The following PHACTR3 variants were observed in gnomAD, a reference collection of about 807,000 sequenced individuals.
PHACTR3 encodes the protein protein phosphatase 1, regulatory subunit 123.
PHACTR3 carries 16 observed loss-of-function variants against 66.8 expected under a neutral mutation model. The ratio of observed to expected loss-of-function variants is 0.24; its 90% CI spans 0.16 to 0.36. The LOEUF (loss-of-function observed/expected upper bound fraction) is 0.36, where lower values mean the gene tolerates loss of function less well. Ranked by LOEUF, PHACTR3 falls within the 10% of genes least tolerant of loss-of-function variation. The probability of loss-of-function intolerance (pLI) is 1.00; values close to 1 mark genes in which losing one functional copy is unlikely to be tolerated. For synonymous variants in PHACTR3, 323 were observed against 292.1 expected, an observed-to-expected ratio of 1.11 and a Z score of -1.08; for missense variants, 647 against 719.9, an observed-to-expected ratio of 0.90 and a Z score of 1.16.
intron 12 of PHACTR3, 58 bp from the exon 13 acceptor site, chr20:59,847,057 T>C: frequency 8.1e-7 from 1 of 1,238,470 alleles, no homozygotes; most frequent in Non-Finnish European, 1.2e-6. Flanking sequence ...GGTTTTTGGC[T>C]ATTTTAACTG....
At chr20:59,733,654 C>A (rs1399994128) in intron 1 of PHACTR3, among the ~76,000 whole-genome samples, 1 of 152,214 alleles carries the variant, frequency 6.6e-6, no homozygotes, top group African/African-American at 2.4e-5. Flanking sequence ...GCTTTTACAG[C>A]AGATGACCTG....
chr20:59,585,466 A>T (rs886714049), intron 1 of PHACTR3, among the ~76,000 whole-genome samples: 7 of 152,202 alleles, frequency 4.6e-5, no homozygotes, highest in Admixed American at 4.6e-4. Flanking sequence ...GAGTACAGCT[A>T]CAGCCGAGTC....
intron 1 of PHACTR3, among the ~76,000 whole-genome samples, chr20:59,591,116 G>A (rs554282358): frequency 2.6e-5 from 4 of 152,304 alleles, no homozygotes; most frequent in East Asian, 3.9e-4. Context: ...CTTCATTCTC[G>A]TAGAATATTC....
intron 3 of PHACTR3, among the ~76,000 whole-genome samples, chr20:59,752,514 C>G (rs2039630777): frequency 7.6e-6 from 1 of 131,122 alleles, no homozygotes; most frequent in African/African-American, 2.7e-5. Flanking sequence ...AAACTTTTCA[C>G]TGAACATGAT....
At chr20:59,728,323 C>G (rs2038637830) in intron 1 of PHACTR3, among the ~76,000 whole-genome samples, 1 of 152,024 alleles carries the variant, frequency 6.6e-6, no homozygotes, top group Non-Finnish European at 1.5e-5. Flanking sequence ...ATGGTGCAGT[C>G]ATTGTGGAAA....
chr20:59,660,920 A>G (rs1305836553), intron 1 of PHACTR3, among the ~76,000 whole-genome samples: 7 of 152,248 alleles, frequency 4.6e-5, no homozygotes, highest in Admixed American at 4.6e-4. Flanking sequence ...TCTGTGGGAA[A>G]CACTTTCTAT....
At chr20:59,580,696 G>A (rs188853451) in intron 1 of PHACTR3, among the ~76,000 whole-genome samples, 108 of 152,182 alleles carry the variant, frequency 7.1e-4, no homozygotes, top group African/African-American at 1.8e-3. Context: ...GAAATTTAAT[G>A]CCTTGTTTCC....
intron 1 of PHACTR3, among the ~76,000 whole-genome samples, chr20:59,643,530 C>T (rs1446295888): frequency 6.6e-6 from 1 of 152,180 alleles, no homozygotes; most frequent in Non-Finnish European, 1.5e-5. Context: ...CAAAACAGTG[C>T]CCTTGCTCCA....
chr20:59,791,074 G>A (rs537370003), intron 7 of PHACTR3, among the ~76,000 whole-genome samples: 1 of 152,100 alleles, frequency 6.6e-6, no homozygotes, highest in Non-Finnish European at 1.5e-5. Context: ...GCTCCACCAT[G>A]GTATGAATGT....
chr20:59,841,361 T>C (rs1202907476), intron 10 of PHACTR3, 34 bp from the exon 11 acceptor site: 7 of 1,590,172 alleles, frequency 4.4e-6, no homozygotes, highest in Non-Finnish European at 6.0e-6. Context: ...TAGTTTGGCA[T>C]GTGATACTTA....
intron 1 of PHACTR3, among the ~76,000 whole-genome samples, chr20:59,618,415 G>T (rs1043185846): frequency 6.6e-6 from 1 of 152,188 alleles, no homozygotes; most frequent in Non-Finnish European, 1.5e-5. Flanking sequence ...TGGCCACCCC[G>T]GGTGGAAATG....
chr20:59,729,084 G>C (rs1324703732), intron 1 of PHACTR3, among the ~76,000 whole-genome samples: 1 of 152,110 alleles, frequency 6.6e-6, no homozygotes, highest in Non-Finnish European at 1.5e-5. Flanking sequence ...CACAGGGAGA[G>C]GTCACAGGGC....
chr20:59,674,679 A>C (rs7265425), intron 1 of PHACTR3, among the ~76,000 whole-genome samples: 177 of 19,258 alleles, frequency 9.2e-3, no homozygotes, highest in East Asian at 0.022. Flanking sequence ...TCCTCTTCCC[A>C]CCTTCTCCTG....
chr20:59,691,599 C>G (rs375906953), intron 1 of PHACTR3, among the ~76,000 whole-genome samples: 1 of 152,094 alleles, frequency 6.6e-6, no homozygotes, highest in South Asian at 2.1e-4. Flanking sequence ...TCCCTCATAC[C>G]TTATTCCTCT....
At chr20:59,670,829 TCCAGAACGCCTCC>T in intron 1 of PHACTR3, among the ~76,000 whole-genome samples, 1 of 152,282 alleles carries the variant, frequency 6.6e-6, no homozygotes, top group Admixed American at 6.5e-5. Context: ...GGTTTCTGTC[TCCAGAACGCCTCC>T]CCAGTCCGGC....
chr20:59,769,308 A>G (rs1245535256), intron 5 of PHACTR3, among the ~76,000 whole-genome samples: 1 of 152,194 alleles, frequency 6.6e-6, no homozygotes, highest in African/African-American at 2.4e-5. Flanking sequence ...AGGGTCTCTC[A>G]ACTGCCATTA....
chr20:59,783,771 A>T (rs1480097407), intron 7 of PHACTR3, among the ~76,000 whole-genome samples: 1 of 152,242 alleles, frequency 6.6e-6, no homozygotes, highest in Non-Finnish European at 1.5e-5. Flanking sequence ...AGGTGCCTGC[A>T]GCAAGGGGGA....
At chr20:59,793,500 C>T (rs145927625) in intron 7 of PHACTR3, among the ~76,000 whole-genome samples, 382 of 152,228 alleles carry the variant, frequency 2.5e-3, no homozygotes, top group African/African-American at 8.7e-3. Context: ...TCTTTCATCT[C>T]CTTGGTTATA....
intron 1 of PHACTR3, among the ~76,000 whole-genome samples, chr20:59,674,516 C>T (rs1390343922): frequency 2.4e-5 from 3 of 124,186 alleles, no homozygotes; most frequent in Non-Finnish European, 4.8e-5. Flanking sequence ...CCCCCTTCTC[C>T]TGTCCCCGCT....
Sources: gnomAD v4.1 joint callset for allele counts (sites outside exome capture counted in the v4.1 genomes callset) on GRCh38, gnomAD v4.1.1 for gene constraint, MANE v1.5 for transcripts, NCBI Gene and HGNC (gene_info 2026-07-23, HGNC 2026-07-21) for gene names.